The following SIM1 variants were observed in gnomAD, a reference collection of about 807,000 sequenced individuals.
The protein encoded by SIM1 is SIM bHLH transcription factor 1.
In SIM1, 18 loss-of-function variants were observed where a neutral mutation model predicts 78.2. That is an observed-to-expected ratio of 0.23 (90% CI 0.16 to 0.34). The LOEUF is 0.34. Among genes scored for constraint, SIM1 ranks in the 10% least tolerant of loss-of-function variants. SIM1 has a pLI of 1.00. For missense variants in SIM1, 939 were observed against 975.1 expected, an observed-to-expected ratio of 0.96 and a Z score of 0.49; for synonymous variants, 417 against 385.2, an observed-to-expected ratio of 1.08 and a Z score of -0.97.
At chr6:100,420,073 T>A (rs1771529073) in intron 10 of SIM1, among the ~76,000 whole-genome samples, 1 of 152,180 alleles carries the variant, frequency 6.6e-6, no homozygotes, top group Non-Finnish European at 1.5e-5. Context: ...AGTGGGTAAT[T>A]CTCAGTCCTG....
intron 9 of SIM1, among the ~76,000 whole-genome samples, chr6:100,421,758 C>T (rs1771594764): frequency 6.6e-6 from 1 of 152,130 alleles, no homozygotes; most frequent in African/African-American, 2.4e-5. Context: ...TAGATACAAC[C>T]TCTGCTGGCT....
Position 100,397,719 on chromosome 6 carries a change from G to A in SIM1, c.1168-3830C>T, listed in dbSNP as rs181097872. Among the ~76,000 whole-genome samples the A allele has an allele frequency of 3.5e-3, 527 of 151,986 alleles. 2 individuals are homozygous for A. The highest frequency in any genetic ancestry group is 0.012 in the African/African-American group (502 of 41,484). On this transcript the variant is annotated intron_variant, in intron 10 of 11. Transcript: ENST00000369208. ...AAACTTTTGCTCCAAAAAAGACCCCGTGAAGAGGATGAAAAGACAAGCTAC... is the reference window on the plus strand; with the variant it reads ...AAACTTTTGCTCCAAAAAAGACCCCATGAAGAGGATGAAAAGACAAGCTAC...
At chr6:100,423,872 A>G (rs1771657040) in intron 9 of SIM1, among the ~76,000 whole-genome samples, 1 of 152,236 alleles carries the variant, frequency 6.6e-6, no homozygotes, top group African/African-American at 2.4e-5. Flanking sequence ...TCATTGGACA[A>G]TAGTCCAGTA....
intron 11 of SIM1, among the ~76,000 whole-genome samples, chr6:100,392,790 G>A (rs1361855978): frequency 3.3e-5 from 5 of 152,186 alleles, no homozygotes; most frequent in African/African-American, 7.2e-5. Context: ...TGGGATGGAC[G>A]GAATGAGCTC....
chr6:100,390,980 G>A lies in SIM1; in HGVS notation c.1682C>T (p.Pro561Leu), dbSNP rs1770624225. Reference protein sequence around the residue: ...TEQYQSSPHEPSKIETLIRAT... With the variant: ...TEQYQSSPHELSKIETLIRAT... ...TCTTATAAGAGTTTCAATTTTGCTG[G>A]GTTCATGTGGGCTACTTTGATACTG... is the stretch of plus-strand genomic sequence containing the variant. Residue 561 changes from proline to leucine, a missense_variant, in exon 12 of 12, where the codon CCC becomes CTC. Pro to Leu is a moderately conservative substitution (Grantham distance 98). This residue lies in a region of SIM1 where 556 missense variants were observed against 521.9 expected (regional missense o/e 1.07). Transcript: ENST00000369208. 1 of 1,613,880 alleles carries A rather than the reference G, an allele frequency of 6.2e-7. No homozygotes were observed. Among genetic ancestry groups the A allele is most frequent in the Non-Finnish European group, 8.5e-7 (1 of 1,180,016 alleles).
chr6:100,438,491 G>A (rs1014712188), intron 9 of SIM1, among the ~76,000 whole-genome samples: 5 of 152,092 alleles, frequency 3.3e-5, no homozygotes, highest in Non-Finnish European at 7.3e-5. Flanking sequence ...GGTAAAAAGG[G>A]AACACTTTCA....
At position 100,450,336 on chromosome 6, in the gene SIM1, G is replaced by T; in HGVS notation, c.279C>A (p.Phe93Leu). 1.9e-6 allele frequency: 3 copies of T among 1,614,078 alleles called. No homozygotes were observed. The highest frequency in any genetic ancestry group is 1.3e-5 in the African/African-American group (1 of 75,048). Residue 93 changes from phenylalanine to leucine, a missense_variant, in exon 4 of 12, where the codon TTC becomes TTA. Transcript: ENST00000369208. ...HLLQTLDGFI[F>L]VVAPDGKIMY... ...TGATCTTCCCATCTGGGGCTACCAC[G>T]AAGATGAAGCCATCCAGGGTCTGGG...
At chr6:100,449,528 T>C (rs527877456) in intron 5 of SIM1, 63 bp downstream of exon 5, 19 of 1,583,502 alleles carry the variant, frequency 1.2e-5, no homozygotes, top group East Asian at 1.1e-4. Flanking sequence ...CCACGACTAA[T>C]TGGGGAAAAA....
chr6:100,439,062 T>G (rs1772137149), intron 9 of SIM1, among the ~76,000 whole-genome samples: 1 of 151,972 alleles, frequency 6.6e-6, no homozygotes. Context: ...ACTAAGGAAT[T>G]TATCCATGTA....
At chr6:100,403,832 A>G (rs1031472738) in intron 10 of SIM1, among the ~76,000 whole-genome samples, 2 of 152,340 alleles carry the variant, frequency 1.3e-5, no homozygotes, top group Admixed American at 1.3e-4. Context: ...TGTTTTATTA[A>G]ATGCTAACAA....
At position 100,389,742 on chromosome 6, in the gene SIM1, C is replaced by G; in HGVS notation, c.*619G>C. 1 of 398,998 alleles carries G rather than the reference C, an allele frequency of 2.5e-6. No individual in the cohort carries two copies. Among genetic ancestry groups the G allele is most frequent in the Non-Finnish European group, 4.4e-6 (1 of 226,078 alleles). The allele number at this position is 398,998 out of a possible 1,614,324, so 24.7% of individuals were successfully genotyped here. A position where few individuals can be genotyped will look rare whatever the true frequency, so the allele number is the denominator to read the frequency against. On this transcript the variant is annotated 3_prime_UTR_variant, in exon 12 of 12. Coordinates refer to ENST00000369208, the MANE Select transcript of SIM1 (RefSeq NM_005068.3). ...TCTTCCTGATTGTTTATAATGGATA[C>G]CAGGTGAAAACTCATTTTTGCACCA...
chr6:100,412,542 G>GAAAGAAAGAAAGA, intron 10 of SIM1, among the ~76,000 whole-genome samples: 1 of 70,656 alleles, frequency 1.4e-5, no homozygotes, highest in Non-Finnish European at 2.7e-5. Context: ...GTCTAAGAAA[G>GAAAGAAAGAAAGA]AAAGAAAGAA....
chr6:100,422,416 C>T (rs183890205), intron 9 of SIM1, among the ~76,000 whole-genome samples: 289 of 152,144 alleles, frequency 1.9e-3, no homozygotes, highest in African/African-American at 6.6e-3. Context: ...GTTGGCCAGG[C>T]GGTCTCGAAC....
Position 100,449,655 on chromosome 6 carries a change from T to C in SIM1, c.393A>G (p.Ala131=). The change falls in exon 5 of 12, where the codon GCA becomes GCG. Residue 131 remains alanine, a synonymous_variant. Coordinates refer to ENST00000369208, the MANE Select transcript of SIM1 (RefSeq NM_005068.3). ...GNSIYEYIHP[A]DHDEMTAVLT... ...GCACCGCCGTCATCTCGTCGTGGTC[T>C]GCCGGGTGAATGTATTCATAAATGC... 6.2e-7 allele frequency: 1 copy of C among 1,614,112 alleles called. No individual in the cohort carries two copies. Among genetic ancestry groups the C allele is most frequent in the East Asian group, 2.2e-5 (1 of 44,882 alleles).
At chr6:100,450,696 T>TCTCTCTCTCTCTCACACACACACA (rs1421452803) in intron 3 of SIM1, among the ~76,000 whole-genome samples, 5 of 91,878 alleles carry the variant, frequency 5.4e-5, no homozygotes, top group African/African-American at 1.2e-4. Flanking sequence ...TCTCTCTCTC[T>TCTCTCTCTCTCTCACACACACACA]CACACACACA....
intron 9 of SIM1, among the ~76,000 whole-genome samples, chr6:100,421,437 A>G (rs1000177250): frequency 2.0e-5 from 3 of 152,160 alleles, no homozygotes; most frequent in Admixed American, 6.5e-5. Context: ...ATTCCTCTCA[A>G]CAGGTTAGTT....
At position 100,453,814 on chromosome 6, in the gene SIM1, C is replaced by T; in HGVS notation, c.206G>A (p.Arg69Gln). The T allele has an allele frequency of 1.9e-6, 3 of 1,612,386 alleles. No homozygotes were observed. The highest frequency in any genetic ancestry group is 2.5e-6 in the Non-Finnish European group (3 of 1,179,266). The change falls in exon 3 of 12, where the codon CGG becomes CAG. Residue 69 changes from arginine to glutamine, a missense_variant. Physicochemically the swap from Arg to Gln is conservative, Grantham distance 43 (BLOSUM62 1). Coordinates refer to ENST00000369208, the MANE Select transcript of SIM1 (RefSeq NM_005068.3). ...GLGEAWGHSS[R>Q]TSPLDNVGRE... ...GCCAACGTTGTCCAGGGGGCTGGTCCGACTTGAGTGGCCCCACGCCTCGCC... is the reference window on the plus strand; with the variant it reads ...GCCAACGTTGTCCAGGGGGCTGGTCTGACTTGAGTGGCCCCACGCCTCGCC...
intron 10 of SIM1, among the ~76,000 whole-genome samples, chr6:100,419,191 C>A (rs1004785475): frequency 1.3e-5 from 2 of 152,114 alleles, no homozygotes; most frequent in African/African-American, 4.8e-5. Context: ...GAAGCAGCTT[C>A]TTCTCTGCAG....
intron 8 of SIM1, among the ~76,000 whole-genome samples, chr6:100,447,784 A>G (rs530494981): frequency 4.0e-4 from 61 of 152,352 alleles, no homozygotes; most frequent in South Asian, 8.3e-4. Flanking sequence ...CTCAAAGCAA[A>G]GCTGTATCAA....
Sources: allele counts gnomAD v4.1 joint callset (sites outside exome capture counted in the v4.1 genomes callset), GRCh38; gene constraint gnomAD v4.1.1; regional missense constraint gnomAD v4.1.1; transcripts MANE v1.5; gene names NCBI Gene and HGNC (gene_info 2026-07-23, HGNC 2026-07-21).